The following EPHA5 variants were observed in gnomAD, a reference collection of about 807,000 sequenced individuals.
EPHA5 encodes EPH receptor A5, also known as ephrin type-A receptor 5.
In EPHA5, 60 loss-of-function variants were observed where a neutral mutation model predicts 105.0. The ratio of observed to expected loss-of-function variants is 0.57; its 90% confidence interval spans 0.46 to 0.71. The LOEUF (loss-of-function observed/expected upper bound fraction) is 0.71. Among genes scored for constraint, EPHA5 ranks in the 30% least tolerant of loss-of-function variants. The pLI, the probability that EPHA5 is intolerant of heterozygous loss-of-function variation, is 0.00. For synonymous variants in EPHA5, 513 were observed against 449.1 expected, an observed-to-expected ratio of 1.14 and a Z score of -1.80; for missense variants, 1,218 against 1,274.7, an observed-to-expected ratio of 0.96 and a Z score of 0.68.
intron 4 of EPHA5, among the ~76,000 whole-genome samples, chr4:65,491,619 A>G (rs1017202800): frequency 2.6e-5 from 4 of 152,046 alleles, no homozygotes; most frequent in African/African-American, 4.8e-5. Context: ...TGTACACTTT[A>G]TTTTTTGTAT....
chr4:65,449,989 C>A (rs1321033645), intron 5 of EPHA5, among the ~76,000 whole-genome samples: 1 of 152,148 alleles, frequency 6.6e-6, no homozygotes, highest in African/African-American at 2.4e-5. Context: ...CTAAACCACT[C>A]AGTTTGTGGT....
In EPHA5 at chr4:65,514,130, T is replaced by C. The variant is rs189336201; in HGVS notation, c.911-18587A>G. On this transcript the variant is annotated intron_variant, in intron 3 of 16. Coordinates refer to ENST00000613740, the MANE Select transcript of EPHA5 (RefSeq NM_001281766.3). Reference sequence around the variant, plus strand: ...CTCTCCCATGCTTGCTATAATGGGGTTCTGCATAGGATAGGTCTCCCCTTT... The same window carrying C: ...CTCTCCCATGCTTGCTATAATGGGGCTCTGCATAGGATAGGTCTCCCCTTT... Among the ~76,000 whole-genome samples, 5 of 152,278 alleles carry C rather than the reference T, an allele frequency of 3.3e-5. No individual in the cohort carries two copies. In the East Asian group the frequency reaches 7.7e-4, roughly 24 times the overall value.
intron 4 of EPHA5, 137 bp downstream of exon 4, chr4:65,495,251 G>T: frequency 1.1e-6 from 1 of 902,562 alleles, no homozygotes; most frequent in East Asian, 2.8e-5. Flanking sequence ...TTGAAAATTG[G>T]TGAAAACTGT....
At chr4:65,332,166 T>G in intron 15 of EPHA5, 38 bp from the exon 16 acceptor site, 2 of 1,480,004 alleles carry the variant, frequency 1.4e-6, no homozygotes, top group Non-Finnish European at 1.8e-6. Flanking sequence ...AAGTTACAAT[T>G]TAATTCTTTT....
Position 65,466,385 on chromosome 4 carries a change from C to T in EPHA5, c.1402+23992G>A, listed in dbSNP as rs112843405. Among the ~76,000 whole-genome samples the T allele has an allele frequency of 1.7e-3, 256 of 152,232 alleles. 1 individual carries two copies. Among genetic ancestry groups the T allele is most frequent in the African/African-American group, 5.7e-3 (235 of 41,566 alleles). ...GAGTGAGTGAGAAAGCATTGGGAGA[C>T]GAGGTCAGTCAAATAAATGATAAAG... On this transcript the variant is annotated intron_variant, in intron 5 of 16. Transcript: ENST00000613740.
At chr4:65,543,577 C>A (rs573498552) in intron 3 of EPHA5, among the ~76,000 whole-genome samples, 2 of 151,968 alleles carry the variant, frequency 1.3e-5, no homozygotes, top group Non-Finnish European at 2.9e-5. Context: ...TAAGAAAGGA[C>A]ACAAACAAAT....
chr4:65,364,280 T>A (rs369131878), intron 11 of EPHA5, among the ~76,000 whole-genome samples: 3 of 151,586 alleles, frequency 2.0e-5, no homozygotes, highest in Non-Finnish European at 3.0e-5. Context: ...AAGGAAGGAA[T>A]CAGAACACAT....
intron 3 of EPHA5, among the ~76,000 whole-genome samples, chr4:65,547,221 C>A (rs149784016): frequency 6.6e-6 from 1 of 151,174 alleles, no homozygotes; most frequent in Non-Finnish European, 1.5e-5. Context: ...TGACTTTTTA[C>A]ACCCTGTGGA....
intron 2 of EPHA5, among the ~76,000 whole-genome samples, chr4:65,606,166 C>CT (rs375118834): frequency 5.3e-4 from 81 of 151,988 alleles, no homozygotes; most frequent in African/African-American, 1.4e-3. Context: ...ATCAATAAGT[C>CT]TTTTTTTTCT....
chr4:65,406,974 T>C (rs1453762326), intron 7 of EPHA5, among the ~76,000 whole-genome samples: 1 of 152,114 alleles, frequency 6.6e-6, no homozygotes, highest in Non-Finnish European at 1.5e-5. Flanking sequence ...GTGTTTCTTT[T>C]ATGTTTCTCC....
chr4:65,466,994 G>T (rs574325317), intron 5 of EPHA5, among the ~76,000 whole-genome samples: 3 of 152,226 alleles, frequency 2.0e-5, no homozygotes, highest in East Asian at 1.9e-4. Flanking sequence ...AGCAAGAAAT[G>T]AGACACAGAA....
At chr4:65,570,016 ATG>A (rs1008727297) in intron 3 of EPHA5, among the ~76,000 whole-genome samples, 1 of 151,564 alleles carries the variant, frequency 6.6e-6, no homozygotes, top group African/African-American at 2.4e-5. Context: ...GTGTGTGTGC[ATG>A]TGTGTGTGTA....
At chr4:65,380,220 G>T (rs1259724383) in intron 8 of EPHA5, among the ~76,000 whole-genome samples, 1 of 151,734 alleles carries the variant, frequency 6.6e-6, no homozygotes, top group Non-Finnish European at 1.5e-5. Flanking sequence ...TAACAAGATT[G>T]TTTTAATCCA....
intron 7 of EPHA5, among the ~76,000 whole-genome samples, chr4:65,407,016 C>T (rs960776362): frequency 3.9e-5 from 6 of 152,092 alleles, no homozygotes; most frequent in African/African-American, 1.4e-4. Context: ...CCATCACTCA[C>T]CTATTTGATT....
At chr4:65,370,855 C>G (rs1009046528) in intron 8 of EPHA5, among the ~76,000 whole-genome samples, 1 of 151,878 alleles carries the variant, frequency 6.6e-6, no homozygotes, top group African/African-American at 2.4e-5. Flanking sequence ...TGGAACCTCC[C>G]GAAGCATCAT....
intron 9 of EPHA5, among the ~76,000 whole-genome samples, chr4:65,366,444 T>A (rs111905617): frequency 4.9e-4 from 75 of 151,980 alleles, no homozygotes; most frequent in Admixed American, 1.3e-3. Context: ...TAGTATTAAT[T>A]TTAATTTTAT....
chr4:65,493,817 T>G (rs1476789792), intron 4 of EPHA5, among the ~76,000 whole-genome samples: 3 of 151,178 alleles, frequency 2.0e-5, no homozygotes, highest in South Asian at 2.1e-4. Flanking sequence ...AAAGGGAGGC[T>G]CACATTTATG....
chr4:65,449,717 C>T (rs948086574), intron 5 of EPHA5, among the ~76,000 whole-genome samples: 3 of 152,076 alleles, frequency 2.0e-5, no homozygotes, highest in Non-Finnish European at 4.4e-5. Context: ...AAAATGAGAT[C>T]ATTAGGGTGA....
At chr4:65,465,268 C>T (rs112263944) in intron 5 of EPHA5, among the ~76,000 whole-genome samples, 1 of 151,674 alleles carries the variant, frequency 6.6e-6, no homozygotes, top group South Asian at 2.1e-4. Context: ...AACCCCGTCT[C>T]TACTAACAAT....
Sources: allele counts gnomAD v4.1 joint callset (sites outside exome capture counted in the v4.1 genomes callset), GRCh38; gene constraint gnomAD v4.1.1; transcripts MANE v1.5; gene names NCBI Gene and HGNC (gene_info 2026-07-23, HGNC 2026-07-21).